The following ABCB11 variants were observed in gnomAD, a reference collection of about 807,000 sequenced individuals.
ABCB11 encodes ATP binding cassette subfamily B member 11.
ABCB11 carries 95 observed loss-of-function variants against 148.0 expected under a neutral mutation model. The ratio of observed to expected loss-of-function variants is 0.64; its 90% CI spans 0.54 to 0.76. The LOEUF (loss-of-function observed/expected upper bound fraction) is 0.76. Ranked by LOEUF, ABCB11 falls within the 30% of genes least tolerant of loss-of-function variation. The probability of loss-of-function intolerance (pLI) is 0.00; values close to 1 mark genes in which losing one functional copy is unlikely to be tolerated. For synonymous variants in ABCB11, 591 were observed against 555.4 expected (o/e 1.06, Z -0.90); for missense variants, 1,523 against 1,617.8 (o/e 0.94, Z 1.01).
At chr2:168,924,435 A>G (rs768837160) in intron 27 of ABCB11, among the ~76,000 whole-genome samples, 34 of 152,232 alleles carry the variant, frequency 2.2e-4, no homozygotes, top group Non-Finnish European at 3.4e-4. Context: ...AGCCTAAAGA[A>G]TCTTAAAAAC....
intron 1 of ABCB11, among the ~76,000 whole-genome samples, chr2:169,028,688 GA>G (rs1229052487): frequency 6.6e-6 from 1 of 151,988 alleles, no homozygotes; most frequent in Non-Finnish European, 1.5e-5. Context: ...TTTTAGGCAA[GA>G]AAGGATATGA....
At chr2:168,989,162 C>T (rs2106001929) in intron 9 of ABCB11, among the ~76,000 whole-genome samples, 1 of 152,096 alleles carries the variant, frequency 6.6e-6, no homozygotes, top group Middle Eastern at 3.4e-3. Flanking sequence ...GCTTTTGTTA[C>T]CTGTCCTTTT....
rs767462084 is a variant in ABCB11 at position 168,950,134 on chromosome 2, T to TACACACAC, written c.2344-5174_2344-5173insGTGTGTGT. ...ATATATATCCTATTACTCCCATATA[T>TACACACAC]ATATATACACACACACACACACACA... On this transcript the variant is annotated intron_variant, in intron 19 of 27. Coordinates refer to ENST00000650372, the MANE Select transcript of ABCB11 (RefSeq NM_003742.4). 2.8e-3 allele frequency among the ~76,000 whole-genome samples: 207 copies of TACACACAC among 74,550 alleles called. 1 individual carries two copies. The highest frequency in any genetic ancestry group is 9.2e-3 in the African/African-American group (199 of 21,746). 48.9% of individuals were successfully genotyped at this position (74,550 alleles called of 152,430 possible).
At chr2:169,030,675 A>C (rs969067548) in intron 1 of ABCB11, among the ~76,000 whole-genome samples, 17 of 152,126 alleles carry the variant, frequency 1.1e-4, no homozygotes, top group African/African-American at 4.1e-4. Flanking sequence ...AGATCCTAGA[A>C]ACAAACTTTC....
intron 1 of ABCB11, among the ~76,000 whole-genome samples, chr2:169,019,254 T>G (rs1378648051): frequency 6.6e-6 from 1 of 152,100 alleles, no homozygotes; most frequent in Admixed American, 6.6e-5. Context: ...ATCTTCTAAA[T>G]TCACCTAATT....
At chr2:168,959,772 T>G (rs755065952) in intron 18 of ABCB11, among the ~76,000 whole-genome samples, 8 of 151,506 alleles carry the variant, frequency 5.3e-5, no homozygotes, top group Non-Finnish European at 1.0e-4. Context: ...CCACTTCATT[T>G]GTTGGTATCA....
At chr2:169,004,405 A>G (rs1199402836) in intron 5 of ABCB11, among the ~76,000 whole-genome samples, 1 of 152,138 alleles carries the variant, frequency 6.6e-6, no homozygotes, top group Non-Finnish European at 1.5e-5. Context: ...GATTAATTTG[A>G]AACCCATGTC....
intron 25 of ABCB11, among the ~76,000 whole-genome samples, chr2:168,928,695 G>A (rs1239526215): frequency 2.0e-5 from 3 of 152,184 alleles, no homozygotes; most frequent in Non-Finnish European, 2.9e-5. Flanking sequence ...TCAGTTTCCT[G>A]TACCTTGCAT....
intron 18 of ABCB11, among the ~76,000 whole-genome samples, chr2:168,960,737 T>A (rs1693037136): frequency 6.6e-6 from 1 of 151,696 alleles, no homozygotes; most frequent in Non-Finnish European, 1.5e-5. Context: ...GGACTTTTTA[T>A]TGCATTTTAT....
intron 4 of ABCB11, among the ~76,000 whole-genome samples, chr2:169,013,830 C>G (rs1314813491): frequency 6.6e-6 from 1 of 152,122 alleles, no homozygotes; most frequent in East Asian, 1.9e-4. Context: ...TAATCACTGT[C>G]ATTGATGCCA....
chr2:168,996,565 A>T, intron 6 of ABCB11, 70 bp downstream of exon 6: 1 of 885,772 alleles, frequency 1.1e-6, no homozygotes, highest in South Asian at 2.5e-5. Flanking sequence ...GAGTGGCAAC[A>T]CATTGCATCT....
At chr2:168,979,062 T>C (rs1360358555) in intron 11 of ABCB11, among the ~76,000 whole-genome samples, 1 of 152,148 alleles carries the variant, frequency 6.6e-6, no homozygotes, top group East Asian at 1.9e-4. Flanking sequence ...CCAGTGTGCT[T>C]CCATAGACTA....
chr2:169,017,456 C>A (rs533395307), intron 2 of ABCB11, among the ~76,000 whole-genome samples: 4 of 152,104 alleles, frequency 2.6e-5, no homozygotes, highest in African/African-American at 9.7e-5. Flanking sequence ...TGTTGACAGA[C>A]GGCAATATCT....
chr2:168,977,019 T>C (rs1298199621), intron 11 of ABCB11, among the ~76,000 whole-genome samples: 1 of 148,776 alleles, frequency 6.7e-6, no homozygotes, highest in East Asian at 2.0e-4. Context: ...ATTAACATAA[T>C]ACATATTTAA....
chr2:168,975,343 T>A (rs374212041), intron 12 of ABCB11, among the ~76,000 whole-genome samples: 8 of 24,636 alleles, frequency 3.2e-4, no homozygotes, highest in African/African-American at 7.6e-4. Flanking sequence ...ATAAATATTT[T>A]TATATTTATA....
chr2:168,972,125 G>C, intron 13 of ABCB11, 75 bp from the exon 14 acceptor site: 1 of 1,377,458 alleles, frequency 7.3e-7, no homozygotes, highest in South Asian at 1.2e-5. Flanking sequence ...TGTCATACTT[G>C]ACCAATGGGC....
chr2:168,944,836 C>T, intron 20 of ABCB11, 21 bp downstream of exon 20: 1 of 1,604,130 alleles, frequency 6.2e-7, no homozygotes, highest in Non-Finnish European at 8.5e-7. Flanking sequence ...AAATCACTTA[C>T]TGAAAAATAA....
intron 5 of ABCB11, among the ~76,000 whole-genome samples, chr2:169,005,757 C>T (rs1163747824): frequency 3.3e-5 from 5 of 152,146 alleles, no homozygotes; most frequent in African/African-American, 2.4e-5. Context: ...TGTTAATTAG[C>T]TCAATTTAGC....
chr2:168,977,780 G>C (rs192660553), intron 11 of ABCB11, among the ~76,000 whole-genome samples: 1 of 152,108 alleles, frequency 6.6e-6, no homozygotes, highest in Admixed American at 6.6e-5. Context: ...AGCGCATAGG[G>C]GAAACTGCCA....
Sources: gnomAD v4.1 joint callset for allele counts (sites outside exome capture counted in the v4.1 genomes callset) on GRCh38, gnomAD v4.1.1 for gene constraint, MANE v1.5 for transcripts, NCBI Gene and HGNC (gene_info 2026-07-23, HGNC 2026-07-21) for gene names.